MALRD1: variants seen among roughly 807,000 people sequenced by gnomAD.
The protein encoded by MALRD1 is MAM and LDL receptor class A domain containing 1, also known as MAM and LDL-receptor class A domain-containing protein 1.
MALRD1 carries 247 observed loss-of-function variants against 242.1 expected under a neutral mutation model. That is an observed-to-expected ratio of 1.02 (90% confidence interval 0.92 to 1.13). The LOEUF (loss-of-function observed/expected upper bound fraction) is 1.13. Among genes scored for constraint, MALRD1 ranks in the 50% most tolerant of loss-of-function variants. The pLI is 0.00. For synonymous variants in MALRD1, 995 were observed against 866.6 expected, an observed-to-expected ratio of 1.15 and a Z score of -2.60; for missense variants, 2,989 against 2,533.1, an observed-to-expected ratio of 1.18 and a Z score of -3.86.
At chr10:19,411,543 T>C (rs930180475) in intron 28 of MALRD1, among the ~76,000 whole-genome samples, 1 of 152,214 alleles carries the variant, frequency 6.6e-6, no homozygotes, top group Non-Finnish European at 1.5e-5. Flanking sequence ...GATCATACTT[T>C]ATGCAGATCA....
At chr10:19,696,371 T>G (rs1383545577) in intron 38 of MALRD1, among the ~76,000 whole-genome samples, 3 of 152,208 alleles carry the variant, frequency 2.0e-5, no homozygotes, top group African/African-American at 4.8e-5. Context: ...CATCATATCT[T>G]GAACACCTGA....
At chr10:19,677,483 C>T (rs1842183235) in intron 36 of MALRD1, among the ~76,000 whole-genome samples, 1 of 152,160 alleles carries the variant, frequency 6.6e-6, no homozygotes, top group Non-Finnish European at 1.5e-5. Flanking sequence ...AGTGTTTGTT[C>T]ATGTCCTTTG....
intron 21 of MALRD1, among the ~76,000 whole-genome samples, chr10:19,290,054 A>G (rs999170998): frequency 1.3e-5 from 2 of 152,212 alleles, no homozygotes; most frequent in African/African-American, 2.4e-5. Context: ...AAGCCACAGT[A>G]TGGTAGGAAT....
chr10:19,206,838 A>T (rs1328131195), intron 17 of MALRD1, among the ~76,000 whole-genome samples: 1 of 152,202 alleles, frequency 6.6e-6, no homozygotes, highest in Non-Finnish European at 1.5e-5. Context: ...CTTTAGCGTC[A>T]GTTTTATGTC....
At chr10:19,266,869 A>G (rs1388672755) in intron 19 of MALRD1, among the ~76,000 whole-genome samples, 2 of 152,052 alleles carry the variant, frequency 1.3e-5, no homozygotes, top group East Asian at 3.8e-4. Context: ...CAAAGTTATC[A>G]TTAGATATAG....
chr10:19,301,992 C>G (rs994660504), intron 21 of MALRD1, among the ~76,000 whole-genome samples: 1 of 151,592 alleles, frequency 6.6e-6, no homozygotes, highest in Non-Finnish European at 1.5e-5. Flanking sequence ...ATACAAACAG[C>G]TAAAAGTCAA....
intron 38 of MALRD1, among the ~76,000 whole-genome samples, chr10:19,698,892 A>T (rs944927699): frequency 6.6e-6 from 1 of 152,206 alleles, no homozygotes; most frequent in Non-Finnish European, 1.5e-5. Flanking sequence ...TGCCCTTTGC[A>T]GGGACATGGG....
chr10:19,392,942 A>G (rs1846399859), intron 28 of MALRD1, among the ~76,000 whole-genome samples: 2 of 152,168 alleles, frequency 1.3e-5, no homozygotes, highest in South Asian at 2.1e-4. Context: ...GCCTGTGGGA[A>G]GCAATGAGAA....
At chr10:19,113,959 A>G (rs1836782843) in intron 5 of MALRD1, among the ~76,000 whole-genome samples, 1 of 152,230 alleles carries the variant, frequency 6.6e-6, no homozygotes, top group Non-Finnish European at 1.5e-5. Context: ...CTTAATAAAT[A>G]CAGATTGACC....
chr10:19,725,863 A>G (rs954358111), intron 38 of MALRD1, among the ~76,000 whole-genome samples: 1 of 152,348 alleles, frequency 6.6e-6, no homozygotes, highest in Middle Eastern at 3.4e-3. Context: ...TCTCTTCAGT[A>G]GATGATATTG....
chr10:19,597,898 T>C (rs758593955), intron 34 of MALRD1, among the ~76,000 whole-genome samples: 15 of 152,292 alleles, frequency 9.8e-5, no homozygotes, highest in Admixed American at 3.3e-4. Context: ...GAGATCTGGA[T>C]TCAAGTGAAG....
chr10:19,232,798 A>G (rs1243684412), intron 18 of MALRD1, among the ~76,000 whole-genome samples: 1 of 152,088 alleles, frequency 6.6e-6, no homozygotes, highest in Non-Finnish European at 1.5e-5. Context: ...AATGCTCAAC[A>G]GAATATGTGT....
chr10:19,547,886 A>G (rs114549942), intron 32 of MALRD1, among the ~76,000 whole-genome samples: 5,046 of 122,416 alleles, frequency 0.041, 337 homozygotes, highest in African/African-American at 0.14. Context: ...GCATTCAGCA[A>G]GTGTATGTAT....
chr10:19,314,158 A>T (rs1373288728), intron 21 of MALRD1, among the ~76,000 whole-genome samples: 2 of 151,598 alleles, frequency 1.3e-5, no homozygotes, highest in Non-Finnish European at 3.0e-5. Flanking sequence ...ATAATAAAGA[A>T]GTTAAAAATG....
intron 36 of MALRD1, among the ~76,000 whole-genome samples, chr10:19,644,688 A>C (rs1311005221): frequency 6.6e-6 from 1 of 152,214 alleles, no homozygotes; most frequent in African/African-American, 2.4e-5. Context: ...CCATTTTTTA[A>C]TATTATGAGT....
At chr10:19,458,290 A>C (rs1835765565) in intron 29 of MALRD1, among the ~76,000 whole-genome samples, 1 of 152,182 alleles carries the variant, frequency 6.6e-6, no homozygotes, top group South Asian at 2.1e-4. Flanking sequence ...AAAGTGTCAA[A>C]GTCATGTTTA....
intron 33 of MALRD1, among the ~76,000 whole-genome samples, chr10:19,577,460 G>T (rs966902273): frequency 2.6e-5 from 4 of 152,130 alleles, no homozygotes; most frequent in Non-Finnish European, 5.9e-5. Context: ...TCAGCCTTTG[G>T]AGGAGTCTGC....
rs544196912 is a variant in MALRD1 at position 19,179,264 on chromosome 10, A to T, written c.1951+3936A>T. Among the ~76,000 whole-genome samples the T allele has an allele frequency of 2.0e-5, 3 of 152,342 alleles. No individual in the cohort carries two copies. The South Asian group carries it at 6.2e-4, about 32-fold the overall frequency. On this transcript the variant is annotated intron_variant, in intron 14 of 39. Transcript: ENST00000454679. ...TACTAATCAACAGGCATACATTTTC[A>T]GTCAAACAAGATGAATAAGCTCTAG...
At chr10:19,176,838 C>T (rs1370978403) in intron 14 of MALRD1, among the ~76,000 whole-genome samples, 2 of 144,248 alleles carry the variant, frequency 1.4e-5, no homozygotes, top group Non-Finnish European at 3.1e-5. Flanking sequence ...GTGTGCATGC[C>T]TGTGTGTCTG....
Sources: allele counts gnomAD v4.1 joint callset (sites outside exome capture counted in the v4.1 genomes callset), GRCh38; gene constraint gnomAD v4.1.1; transcripts MANE v1.5; gene names NCBI Gene and HGNC (gene_info 2026-07-23, HGNC 2026-07-21).